Variants in TOGARAM2 observed in about 807,000 individuals in gnomAD.
TOGARAM2 encodes TOG array regulator of axonemal microtubules protein 2.
Under a neutral mutation model 93.3 loss-of-function variants are expected in TOGARAM2, and 85 were observed. The ratio of observed to expected loss-of-function variants is 0.91; its 90% CI spans 0.76 to 1.09. The LOEUF is 1.09. Among genes scored for constraint, TOGARAM2 ranks in the 50% least tolerant of loss-of-function variants. The probability of loss-of-function intolerance (pLI) is 0.00; values close to 1 mark genes in which losing one functional copy is unlikely to be tolerated. For synonymous variants in TOGARAM2, 593 were observed against 552.8 expected (o/e 1.07, Z -1.02); for missense variants, 1,277 against 1,334.5 (o/e 0.96, Z 0.67).
intron 6 of TOGARAM2, among the ~76,000 whole-genome samples, chr2:29,009,915 TCCTTTCTG>T (rs1664122588): frequency 6.6e-6 from 1 of 152,070 alleles, no homozygotes; most frequent in African/African-American, 2.4e-5. Context: ...TTGGCCTCAG[TCCTTTCTG>T]CTGTGGGGTC....
chr2:28,983,408 G>T (rs1231521987), intron 1 of TOGARAM2, among the ~76,000 whole-genome samples: 1 of 151,660 alleles, frequency 6.6e-6, no homozygotes, highest in African/African-American at 2.4e-5. Flanking sequence ...AGAAGTAGGG[G>T]CATACCCTGT....
intron 6 of TOGARAM2, among the ~76,000 whole-genome samples, chr2:29,005,321 ATGTG>A (rs796133507): frequency 1.1e-5 from 1 of 89,148 alleles, no homozygotes; most frequent in African/African-American, 3.8e-5. Flanking sequence ...GTATGTGTGC[ATGTG>A]TGTGTGAGAC....
intron 2 of TOGARAM2, among the ~76,000 whole-genome samples, chr2:28,996,799 CAAA>C (rs1170607481): frequency 2.5e-5 from 1 of 40,720 alleles, no homozygotes; most frequent in African/African-American, 1.2e-4. Flanking sequence ...GACTCCATCT[CAAA>C]AAAAAAAAAA....
chr2:29,032,002 A>T (rs942018948), intron 14 of TOGARAM2, among the ~76,000 whole-genome samples: 3 of 152,062 alleles, frequency 2.0e-5, no homozygotes, highest in African/African-American at 7.2e-5. Flanking sequence ...CCTTATCCTC[A>T]CTGTACTGCC....
intron 2 of TOGARAM2, among the ~76,000 whole-genome samples, chr2:28,996,493 TTTGTCTCTC>T (rs1425288141): frequency 1.3e-5 from 2 of 152,056 alleles, no homozygotes. Flanking sequence ...ACAAGTAGAA[TTTGTCTCTC>T]TGTGCCTGGC....
chr2:29,026,586 C>T (rs1665383593), intron 13 of TOGARAM2, among the ~76,000 whole-genome samples: 1 of 152,176 alleles, frequency 6.6e-6, no homozygotes, highest in South Asian at 2.1e-4. Context: ...AGGAAGCTCC[C>T]AAGAACGGTA....
At chr2:29,017,674 A>G (rs1007686816) in intron 9 of TOGARAM2, 118 bp from the exon 10 acceptor site, 25 of 1,016,550 alleles carry the variant, frequency 2.5e-5, no homozygotes, top group African/African-American at 5.0e-5. Context: ...GACTCCCAAC[A>G]TGTTGGGGGT....
At chr2:29,006,192 TG>T (rs1285477159) in intron 6 of TOGARAM2, among the ~76,000 whole-genome samples, 2 of 13,596 alleles carry the variant, frequency 1.5e-4, no homozygotes, top group Non-Finnish European at 1.2e-3. Flanking sequence ...TGTGTGTGCA[TG>T]TGTGTGAGTG....
chr2:29,002,784 C>T (rs1285342373), intron 5 of TOGARAM2, 37 bp downstream of exon 5: 9 of 1,575,514 alleles, frequency 5.7e-6, no homozygotes, highest in Non-Finnish European at 6.1e-6. Context: ...TGGTCCTCAG[C>T]TTCTTGCCCT....
chr2:29,033,116 T>TA (rs1367894948), intron 15 of TOGARAM2, 65 bp downstream of exon 15: 9 of 1,379,766 alleles, frequency 6.5e-6, no homozygotes, highest in Non-Finnish European at 9.1e-6. Flanking sequence ...CTGAGCCTGG[T>TA]AGCCTTCATG....
At chr2:29,018,916 A>AT (rs1357784860) in intron 10 of TOGARAM2, among the ~76,000 whole-genome samples, 1 of 152,132 alleles carries the variant, frequency 6.6e-6, no homozygotes, top group Non-Finnish European at 1.5e-5. Context: ...CTGCCTACAA[A>AT]TTTTTTAGCT....
At chr2:28,998,284 C>A in intron 3 of TOGARAM2, 31 bp downstream of exon 3, 4 of 1,490,268 alleles carry the variant, frequency 2.7e-6, no homozygotes, top group Admixed American at 1.9e-5. Flanking sequence ...CTGGTCAGGG[C>A]CCCTGGCCTC....
chr2:29,026,250 ACTTAATGATC>A (rs1292505808), intron 13 of TOGARAM2, among the ~76,000 whole-genome samples: 1 of 152,084 alleles, frequency 6.6e-6, no homozygotes, highest in Non-Finnish European at 1.5e-5. Context: ...TTCTGGAGAT[ACTTAATGATC>A]ACTCTTTTCG....
At chr2:29,011,727 G>A (rs1459677521) in intron 7 of TOGARAM2, among the ~76,000 whole-genome samples, 4 of 152,318 alleles carry the variant, frequency 2.6e-5, no homozygotes, top group South Asian at 2.1e-4. Flanking sequence ...GCTCTGGTAC[G>A]TCAGGTGTGA....
At chr2:29,001,965 G>A (rs2148287220) in intron 4 of TOGARAM2, among the ~76,000 whole-genome samples, 1 of 152,252 alleles carries the variant, frequency 6.6e-6, no homozygotes, top group Non-Finnish European at 1.5e-5. Flanking sequence ...ATGGCTGTGG[G>A]GTGAGATGGG....
At chr2:29,010,614 G>T (rs1664184527) in intron 6 of TOGARAM2, among the ~76,000 whole-genome samples, 1 of 152,116 alleles carries the variant, frequency 6.6e-6, no homozygotes, top group South Asian at 2.1e-4. Flanking sequence ...TTCCTGACCT[G>T]TTGCTGTGGC....
intron 8 of TOGARAM2, among the ~76,000 whole-genome samples, chr2:29,016,632 C>T (rs1442716930): frequency 6.6e-6 from 1 of 152,230 alleles, no homozygotes. Flanking sequence ...CTTCCTGTGT[C>T]CTTCAGAGGA....
At position 28,994,669 on chromosome 2, in the gene TOGARAM2, A is replaced by C. The variant is rs1017974477; in HGVS notation, c.-110-56A>C. On this transcript the variant is annotated intron_variant, in intron 1 of 19. Transcript: ENST00000379558. Reference sequence around the variant, plus strand: ...GCCCCTGAAGGGCTTTTTGTGAAGTAGTTTAAAAGTGTTAATTTGCTTTTA... The same window carrying C: ...GCCCCTGAAGGGCTTTTTGTGAAGTCGTTTAAAAGTGTTAATTTGCTTTTA... 6.6e-6 allele frequency: 4 copies of C among 605,896 alleles called. No individual in the cohort carries two copies. The Admixed American group carries it at 8.9e-5, about 13-fold the overall frequency. 37.5% of individuals were successfully genotyped at this position (605,896 alleles called of 1,614,324 possible). A position where few individuals can be genotyped will look rare whatever the true frequency, so the allele number is the denominator to read the frequency against.
Position 29,051,806 on chromosome 2 carries a change from G to A in TOGARAM2, c.2773G>A (p.Val925Ile), listed in dbSNP as rs1185955403. The A allele has an allele frequency of 1.9e-6, 3 of 1,557,782 alleles. No individual in the cohort carries two copies. In the East Asian group the frequency reaches 7.2e-5, roughly 38 times the overall value. ...GAAGCCTCAAGCTGTAGAGCGGCAT[G>A]TCCTTCCCATCCTCTGGCACTTCCT... ...PRKPQAVERHVLPILWHFLNT... is the reference protein window; with the variant it reads ...PRKPQAVERHILPILWHFLNT... The change falls in exon 20 of 20, where the codon GTC (valine) becomes ATC (isoleucine). Residue 925 changes from valine (V) to isoleucine (I), a missense_variant. By Grantham distance (29) the Val-to-Ile change is conservative. Coordinates refer to ENST00000379558, the MANE Select transcript of TOGARAM2 (RefSeq NM_199280.4).
Sources: gnomAD v4.1 joint callset for allele counts (sites outside exome capture counted in the v4.1 genomes callset) on GRCh38, gnomAD v4.1.1 for gene constraint, MANE v1.5 for transcripts, NCBI Gene and HGNC (gene_info 2026-07-23, HGNC 2026-07-21) for gene names.